Variants in DCLRE1C observed in about 807,000 individuals in gnomAD.
DCLRE1C encodes the protein DNA cross-link repair 1C.
In DCLRE1C, 47 loss-of-function variants were observed where a neutral mutation model predicts 61.4. The observed-to-expected ratio is 0.77, with a 90% confidence interval of 0.61 to 0.98. DCLRE1C has a LOEUF of 0.98. Among genes scored for constraint, DCLRE1C ranks in the 50% least tolerant of loss-of-function variants. The pLI, the probability that DCLRE1C is intolerant of heterozygous loss-of-function variation, is 0.00. For synonymous variants in DCLRE1C, 337 were observed against 287.6 expected (o/e 1.17, Z -1.74); for missense variants, 858 against 816.0 (o/e 1.05, Z -0.63).
At chr10:14,913,843 TG>T (rs529670075) in intron 13 of DCLRE1C, among the ~76,000 whole-genome samples, 3 of 152,058 alleles carry the variant, frequency 2.0e-5, no homozygotes, top group Non-Finnish European at 4.4e-5. Context: ...TTGGTACTCT[TG>T]GGGGGGTCCT....
intron 4 of DCLRE1C, among the ~76,000 whole-genome samples, chr10:14,938,374 A>C (rs532746571): frequency 1.3e-5 from 2 of 152,230 alleles, no homozygotes; most frequent in South Asian, 4.1e-4. Flanking sequence ...ATCCTCACTA[A>C]ACTGGCTCTG....
At chr10:14,927,200 A>G (rs1838158019) in intron 10 of DCLRE1C, among the ~76,000 whole-genome samples, 1 of 152,096 alleles carries the variant, frequency 6.6e-6, no homozygotes, top group Non-Finnish European at 1.5e-5. Context: ...TAGCAAACAT[A>G]GTGAAACTCT....
intron 10 of DCLRE1C, 108 bp from the exon 11 acceptor site, chr10:14,927,005 G>C: frequency 1.2e-6 from 1 of 863,028 alleles, no homozygotes; most frequent in East Asian, 2.6e-5. Flanking sequence ...CACTCTAATG[G>C]GCTCGCTTCA....
At chr10:14,914,628 G>A (rs192745811) in intron 13 of DCLRE1C, among the ~76,000 whole-genome samples, 72 of 152,230 alleles carry the variant, frequency 4.7e-4, no homozygotes, top group Admixed American at 2.0e-3. Flanking sequence ...TTGATGGTCC[G>A]TAAATATTCT....
At chr10:14,953,832 G>A in intron 1 of DCLRE1C, 70 bp downstream of exon 1, 2 of 1,598,050 alleles carry the variant, frequency 1.3e-6, no homozygotes, top group Non-Finnish European at 8.5e-7. Context: ...TTGCTCCAGG[G>A]CCGGCCCCCT....
At chr10:14,918,306 G>T (rs1836538514) in intron 13 of DCLRE1C, among the ~76,000 whole-genome samples, 1 of 152,222 alleles carries the variant, frequency 6.6e-6, no homozygotes. Context: ...ATCAATAAAA[G>T]AGGGTGAACT....
chr10:14,929,234 G>A (rs904445520), intron 9 of DCLRE1C, among the ~76,000 whole-genome samples: 4 of 151,958 alleles, frequency 2.6e-5, no homozygotes, highest in Non-Finnish European at 5.9e-5. Context: ...GTGAAACTCT[G>A]TCTCTACTAA....
downstream of DCLRE1C, among the ~76,000 whole-genome samples, chr10:14,901,692 G>T (rs950156847): frequency 6.6e-6 from 1 of 151,956 alleles, no homozygotes; most frequent in Non-Finnish European, 1.5e-5. Context: ...CTAGCCGGGC[G>T]TGGTGGCGTG....
Position 14,932,961 on chromosome 10 carries a change from G to C in DCLRE1C, c.679-6C>G, listed in dbSNP as rs201040496. On this transcript the variant is annotated splice_polypyrimidine_tract_variant and splice_region_variant and intron_variant, in intron 8 of 13. Coordinates refer to ENST00000378278, the MANE Select transcript of DCLRE1C (RefSeq NM_001033855.3). ...TCTAGCTTATTCACATGAACCTAAG[G>C]CAAATAATACATACATGCAAATTAT... 1.2e-6 allele frequency: 2 copies of C among 1,613,256 alleles called. No individual in the cohort carries two copies. The highest frequency in any genetic ancestry group is 1.7e-6 in the Non-Finnish European group (2 of 1,179,208).
downstream of DCLRE1C, chr10:14,902,544 A>G (rs1834096194): frequency 2.2e-6 from 3 of 1,371,218 alleles, no homozygotes; most frequent in Admixed American, 2.4e-5. Flanking sequence ...GATGATTATA[A>G]TATTTTTTTC....
At chr10:14,910,224 C>T (rs1314574092) in intron 13 of DCLRE1C, among the ~76,000 whole-genome samples, 5 of 152,294 alleles carry the variant, frequency 3.3e-5, no homozygotes, top group East Asian at 1.9e-4. Context: ...CCAATACACA[C>T]GACCCAACCT....
At chr10:14,938,751 A>G (rs1325210564) in intron 4 of DCLRE1C, among the ~76,000 whole-genome samples, 1 of 152,238 alleles carries the variant, frequency 6.6e-6, no homozygotes, top group Non-Finnish European at 1.5e-5. Context: ...TTCATGAATT[A>G]CCTGCAAAAA....
intron 10 of DCLRE1C, among the ~76,000 whole-genome samples, chr10:14,927,210 T>C (rs1838159741): frequency 6.6e-6 from 1 of 152,110 alleles, no homozygotes; most frequent in Non-Finnish European, 1.5e-5. Flanking sequence ...AGTGAAACTC[T>C]GTCTCTACTG....
At chr10:14,941,106 G>C in intron 3 of DCLRE1C, among the ~76,000 whole-genome samples, 1 of 152,190 alleles carries the variant, frequency 6.6e-6, no homozygotes. Context: ...TCGAACTCCT[G>C]ACCTCAGGTG....
chr10:14,916,145 A>G (rs1236121347), intron 13 of DCLRE1C, among the ~76,000 whole-genome samples: 1 of 152,190 alleles, frequency 6.6e-6, no homozygotes, highest in Admixed American at 6.5e-5. Context: ...TGGTGAAATA[A>G]TGAACTTAAT....
intron 11 of DCLRE1C, among the ~76,000 whole-genome samples, chr10:14,925,225 T>TAAAAAAAAAAAAAAAAAAAAAA (rs67477083): frequency 9.1e-6 from 1 of 109,328 alleles, no homozygotes; most frequent in African/African-American, 3.6e-5. Flanking sequence ...ATAAAGGATT[T>TAAAAAAAAAAAAAAAAAAAAAA]AAAAAAAAAA....
intron 2 of DCLRE1C, chr10:14,945,500 C>G: frequency 8.7e-7 from 1 of 1,149,226 alleles, no homozygotes; most frequent in Non-Finnish European, 1.1e-6. Context: ...GTCCCTGGAC[C>G]TCCTCCAACA....
intron 8 of DCLRE1C, among the ~76,000 whole-genome samples, 173 bp from the exon 9 acceptor site, chr10:14,933,128 G>T (rs1462360216): frequency 6.6e-6 from 1 of 152,178 alleles, no homozygotes; most frequent in Non-Finnish European, 1.5e-5. Context: ...ATGTCAACAG[G>T]CACAAGGCTG....
At chr10:14,912,597 G>A (rs1835441106) in intron 13 of DCLRE1C, among the ~76,000 whole-genome samples, 1 of 152,124 alleles carries the variant, frequency 6.6e-6, no homozygotes, top group Non-Finnish European at 1.5e-5. Flanking sequence ...GCAATAAAAA[G>A]GTATGAAATA....
Sources: allele counts gnomAD v4.1 joint callset (sites outside exome capture counted in the v4.1 genomes callset), GRCh38; gene constraint gnomAD v4.1.1; transcripts MANE v1.5; gene names NCBI Gene and HGNC (gene_info 2026-07-23, HGNC 2026-07-21).